The following KCTD8 variants were observed in gnomAD, a reference collection of about 807,000 sequenced individuals.
The protein encoded by KCTD8 is BTB/POZ domain-containing protein KCTD8.
KCTD8 carries 27 observed loss-of-function variants against 31.5 expected under a neutral mutation model. The ratio of observed to expected loss-of-function variants is 0.86; its 90% CI spans 0.63 to 1.18. The LOEUF (loss-of-function observed/expected upper bound fraction) is 1.18. KCTD8 is among the 50% of genes most tolerant of loss of function. KCTD8 has a pLI of 0.00. For missense variants in KCTD8, 658 were observed against 647.7 expected (o/e 1.02, Z -0.17); for synonymous variants, 290 against 280.0 (o/e 1.04, Z -0.36).
intron 1 of KCTD8, among the ~76,000 whole-genome samples, chr4:44,411,674 T>G (rs963794835): frequency 1.3e-5 from 2 of 152,016 alleles, no homozygotes; most frequent in Non-Finnish European, 2.9e-5. Context: ...TGGGATGAAA[T>G]CATACTGGAG....
chr4:44,395,910 G>A (rs1720492979), intron 1 of KCTD8, among the ~76,000 whole-genome samples: 1 of 152,082 alleles, frequency 6.6e-6, no homozygotes, highest in Non-Finnish European at 1.5e-5. Context: ...TTTATGGACA[G>A]GGGAAGAGGT....
At chr4:44,274,013 G>A (rs1254894404) in intron 1 of KCTD8, among the ~76,000 whole-genome samples, 1 of 151,802 alleles carries the variant, frequency 6.6e-6, no homozygotes, top group East Asian at 1.9e-4. Context: ...AAAAAGTCCT[G>A]TTAAGTTTAC....
chr4:44,187,806 T>G (rs927648153), intron 1 of KCTD8, among the ~76,000 whole-genome samples: 1 of 152,108 alleles, frequency 6.6e-6, no homozygotes, highest in Non-Finnish European at 1.5e-5. Flanking sequence ...GGGGGTACAC[T>G]TATGAGGGCT....
At chr4:44,337,383 C>T (rs1718777008) in intron 1 of KCTD8, among the ~76,000 whole-genome samples, 2 of 151,924 alleles carry the variant, frequency 1.3e-5, no homozygotes, top group Non-Finnish European at 2.9e-5. Flanking sequence ...TTTCATAGAA[C>T]ATATACAGTC....
At chr4:44,241,685 G>T (rs76585173) in intron 1 of KCTD8, among the ~76,000 whole-genome samples, 5,423 of 152,110 alleles carry the variant, frequency 0.036, 154 homozygotes, top group Non-Finnish European at 0.047. Context: ...TAAATTCTCA[G>T]TTCAATGAAG....
At chr4:44,193,067 T>C (rs770490306) in intron 1 of KCTD8, among the ~76,000 whole-genome samples, 1 of 152,094 alleles carries the variant, frequency 6.6e-6, no homozygotes, top group Non-Finnish European at 1.5e-5. Context: ...ATTAGTTCTG[T>C]CCCTCTAGAG....
At chr4:44,194,781 T>TCCC (rs1713883661) in intron 1 of KCTD8, among the ~76,000 whole-genome samples, 2 of 13,948 alleles carry the variant, frequency 1.4e-4, no homozygotes, top group Non-Finnish European at 2.8e-4. Context: ...CCCTCCCCCC[T>TCCC]TCCCTCCCTC....
At chr4:44,423,279 T>C (rs1400179977) in intron 1 of KCTD8, among the ~76,000 whole-genome samples, 2 of 152,120 alleles carry the variant, frequency 1.3e-5, no homozygotes, top group East Asian at 3.9e-4. Flanking sequence ...ACTCATTTAT[T>C]TTGTTCAGTC....
At chr4:44,303,454 G>A (rs1717695685) in intron 1 of KCTD8, among the ~76,000 whole-genome samples, 1 of 147,162 alleles carries the variant, frequency 6.8e-6, no homozygotes, top group African/African-American at 2.4e-5. Context: ...TTGGGAAAGT[G>A]TATGTGTCGA....
chr4:44,443,551 C>T (rs1721864009), intron 1 of KCTD8, among the ~76,000 whole-genome samples: 1 of 152,120 alleles, frequency 6.6e-6, no homozygotes, highest in South Asian at 2.1e-4. Flanking sequence ...CAGCCCAGTT[C>T]AGTAACAGCA....
intron 1 of KCTD8, among the ~76,000 whole-genome samples, chr4:44,378,195 T>C (rs964352056): frequency 6.8e-6 from 1 of 146,720 alleles, no homozygotes; most frequent in African/African-American, 2.5e-5. Context: ...AAATAAAAAA[T>C]ACATACATAT....
intron 1 of KCTD8, among the ~76,000 whole-genome samples, chr4:44,321,542 T>C (rs1361322464): frequency 6.6e-6 from 1 of 152,210 alleles, no homozygotes; most frequent in African/African-American, 2.4e-5. Context: ...GTATACAATG[T>C]ATAATAATCC....
intron 1 of KCTD8, among the ~76,000 whole-genome samples, chr4:44,425,917 T>C (rs539242536): frequency 2.0e-5 from 3 of 151,926 alleles, no homozygotes; most frequent in Non-Finnish European, 2.9e-5. Context: ...TCATTGTCTG[T>C]ACCATACCAT....
chr4:44,434,635 G>A (rs1443168414), intron 1 of KCTD8, among the ~76,000 whole-genome samples: 2 of 151,872 alleles, frequency 1.3e-5, no homozygotes, highest in African/African-American at 4.8e-5. Context: ...TAATGAGCAT[G>A]GAGAGCAAGT....
At chr4:44,308,228 A>G (rs559702128) in intron 1 of KCTD8, among the ~76,000 whole-genome samples, 2 of 152,076 alleles carry the variant, frequency 1.3e-5, no homozygotes, top group Non-Finnish European at 2.9e-5. Context: ...TGAAAGCAGA[A>G]CTTTCAAACT....
intron 1 of KCTD8, among the ~76,000 whole-genome samples, chr4:44,278,637 G>A (rs529770719): frequency 6.3e-4 from 96 of 152,082 alleles, no homozygotes; most frequent in Non-Finnish European, 1.2e-3. Flanking sequence ...TGTAGACTTG[G>A]AAAACGCATC....
intron 1 of KCTD8, among the ~76,000 whole-genome samples, chr4:44,272,541 A>C (rs1287046789): frequency 6.6e-6 from 1 of 152,058 alleles, no homozygotes; most frequent in Non-Finnish European, 1.5e-5. Flanking sequence ...AAAAAATTAT[A>C]ATCTATTCAG....
At chr4:44,207,444 AC>A (rs1297359985) in intron 1 of KCTD8, among the ~76,000 whole-genome samples, 2 of 151,936 alleles carry the variant, frequency 1.3e-5, no homozygotes, top group African/African-American at 4.8e-5. Flanking sequence ...TTCTCCCTTT[AC>A]CCCATTATAA....
intron 1 of KCTD8, among the ~76,000 whole-genome samples, chr4:44,254,817 G>A (rs1172664409): frequency 6.6e-6 from 1 of 151,866 alleles, no homozygotes; most frequent in African/African-American, 2.4e-5. Flanking sequence ...GTTGTTTACA[G>A]TAGGAGGACA....
Sources: gnomAD v4.1 joint callset for allele counts (sites outside exome capture counted in the v4.1 genomes callset) on GRCh38, gnomAD v4.1.1 for gene constraint, MANE v1.5 for transcripts, NCBI Gene and HGNC (gene_info 2026-07-23, HGNC 2026-07-21) for gene names.